The following SCO1 variants were observed in gnomAD, a reference collection of about 807,000 sequenced individuals.
SCO1 encodes the protein cytochrome c oxidase assembly factor SCO1.
In SCO1, 23 loss-of-function variants were observed where a neutral mutation model predicts 34.0. The ratio of observed to expected loss-of-function variants is 0.68; its 90% CI spans 0.49 to 0.96. The LOEUF is 0.96. Among genes scored for constraint, SCO1 ranks in the 40% least tolerant of loss-of-function variants. SCO1 has a pLI of 0.00. For missense variants in SCO1, 404 were observed against 381.6 expected (o/e 1.06, Z -0.49); for synonymous variants, 161 against 145.5 (o/e 1.11, Z -0.77).
At chr17:10,688,988 C>T (rs2074673921) in intron 4 of SCO1, among the ~76,000 whole-genome samples, 2 of 148,038 alleles carry the variant, frequency 1.4e-5, no homozygotes, top group East Asian at 2.0e-4. Context: ...TGGTAGCGGG[C>T]GCCTGTAGTC....
intron 1 of SCO1, 65 bp downstream of exon 1, chr17:10,697,170 G>T (rs987727871): frequency 2.1e-6 from 3 of 1,418,716 alleles, no homozygotes; most frequent in East Asian, 2.5e-5. Flanking sequence ...GACCAAGTGG[G>T]ATGTGGCCGC....
At chr17:10,689,384 CAA>C (rs1157671019) in intron 4 of SCO1, among the ~76,000 whole-genome samples, 1 of 152,008 alleles carries the variant, frequency 6.6e-6, no homozygotes, top group African/African-American at 2.4e-5. Flanking sequence ...TAAATAACCT[CAA>C]AGTTTAGAAG....
At chr17:10,693,903 A>C (rs1414441917) in intron 2 of SCO1, among the ~76,000 whole-genome samples, 1 of 152,272 alleles carries the variant, frequency 6.6e-6, no homozygotes, top group East Asian at 1.9e-4. Context: ...ATATATAGGA[A>C]ACAAGTCCAC....
chr17:10,684,131 A>C (rs2074639111), intron 5 of SCO1: 1 of 152,216 alleles, frequency 6.6e-6, no homozygotes, highest in Non-Finnish European at 1.5e-5. Context: ...GTAGGCCAGT[A>C]TTTCTCAAAA....
chr17:10,683,411 A>T (rs764376894), intron 5 of SCO1, among the ~76,000 whole-genome samples: 8 of 152,170 alleles, frequency 5.3e-5, no homozygotes, highest in Non-Finnish European at 1.2e-4. Flanking sequence ...AAAAAGTAGA[A>T]TCTCTTGCAT....
Position 10,674,282 on chromosome 17 carries a change from C to T in SCO1, c.*6837G>A, listed in dbSNP as rs920393689. The T allele has an allele frequency of 2.1e-4, 35 of 163,846 alleles. No homozygotes were observed. Among genetic ancestry groups the T allele is most frequent in the Admixed American group, 4.4e-4 (7 of 15,764 alleles). 10.1% of individuals were successfully genotyped at this position (163,846 alleles called of 1,614,324 possible). ...ATACAAAAATTACCATGCACGCCAC[C>T]GGGCATGGTGGCGGGCGCCTGTAAT... On this transcript the variant is annotated 3_prime_UTR_variant, in exon 6 of 6. Transcript: ENST00000255390.
At chr17:10,686,316 C>T (rs957311580) in intron 5 of SCO1, among the ~76,000 whole-genome samples, 6 of 151,860 alleles carry the variant, frequency 4.0e-5, no homozygotes, top group Non-Finnish European at 8.8e-5. Context: ...AGGCTGGATG[C>T]GGTGGCTCAC....
chr17:10,681,047 A>C lies in SCO1; in HGVS notation c.*72T>G. On this transcript the variant is annotated 3_prime_UTR_variant, in exon 6 of 6. Transcript: ENST00000255390. ...AGTGCACGTATATATGTTTATATTT[A>C]TATAGGCTCCTATGCGAGACAGTTT... 6.5e-7 allele frequency: 1 copy of C among 1,543,296 alleles called. No individual in the cohort carries two copies. The highest frequency in any genetic ancestry group is 1.4e-5 in the African/African-American group (1 of 73,622).
At position 10,697,365 on chromosome 17, in the gene SCO1, TGCC is replaced by T. The variant is rs1358343029; in HGVS notation, c.140_142del (p.Arg47del). 1 of 1,594,598 alleles carries T rather than the reference TGCC, an allele frequency of 6.3e-7. No homozygotes were observed. The highest frequency in any genetic ancestry group is 8.5e-7 in the Non-Finnish European group (1 of 1,170,590). ...CCCCGAGGCACGCCACGCCTCCGCT[TGCC>T]GCGCGCAGAACTGCCTCAGCAAGAC... On this transcript the variant is annotated inframe_deletion, in exon 1 of 6. Transcript: ENST00000255390.
rs2074591138 is a variant in SCO1 at position 10,677,733 on chromosome 17, G to C, written c.*3386C>G. The C allele has an allele frequency of 6.6e-6, 1 of 152,170 alleles. No homozygotes were observed. The highest frequency in any genetic ancestry group is 2.4e-5 in the African/African-American group (1 of 41,436). 9.4% of individuals were successfully genotyped at this position (152,170 alleles called of 1,614,324 possible). On this transcript the variant is annotated 3_prime_UTR_variant, in exon 6 of 6. Coordinates refer to ENST00000255390, the MANE Select transcript of SCO1 (RefSeq NM_004589.4). ...CTTATACTTTTCAAATAAACAAGTG[G>C]CATTTCTTAAAATATTAATTCTATT...
chr17:10,684,751 G>A (rs912125144), intron 5 of SCO1, among the ~76,000 whole-genome samples: 13 of 152,094 alleles, frequency 8.5e-5, no homozygotes, highest in Middle Eastern at 3.2e-3. Flanking sequence ...TGTCATCATC[G>A]GATAAACTCA....
In SCO1 at chr17:10,673,690, C is replaced by T. The variant is rs1037514141; in HGVS notation, c.*7429G>A. ...GATCAAATGATCCTCAATCAGGTTT[C>T]AATTGAGTATTTGAGAATGCCTACA... is the stretch of plus-strand genomic sequence containing the variant. On this transcript the variant is annotated 3_prime_UTR_variant, in exon 6 of 6. Coordinates refer to ENST00000255390, the MANE Select transcript of SCO1 (RefSeq NM_004589.4). 2 of 152,186 alleles carry T rather than the reference C, an allele frequency of 1.3e-5. No individual in the cohort carries two copies. Among genetic ancestry groups the T allele is most frequent in the African/African-American group, 4.8e-5 (2 of 41,440 alleles). The allele number at this position is 152,186 out of a possible 1,614,324, so 9.4% of individuals were successfully genotyped here.
intron 1 of SCO1, among the ~76,000 whole-genome samples, chr17:10,696,110 C>G (rs1199671656): frequency 7.4e-6 from 1 of 135,770 alleles, no homozygotes; most frequent in Non-Finnish European, 1.6e-5. Flanking sequence ...TCAAGTACCA[C>G]GATTGTTACT....
rs2074607711 is a variant in SCO1, at chr17:10,679,659, T to TA, written c.*1459dup. On this transcript the variant is annotated 3_prime_UTR_variant, in exon 6 of 6. Transcript: ENST00000255390. ...GCCAAACCCAGGATTCTAGGGCAGT[T>TA]AAATTTAGAAACAAAAGCCAAGATT... The TA allele has an allele frequency of 1.3e-5, 2 of 152,338 alleles. No homozygotes were observed. The highest frequency in any genetic ancestry group is 4.1e-4 in the South Asian group (2 of 4,830). 9.4% of individuals were successfully genotyped at this position (152,338 alleles called of 1,614,324 possible).
intron 1 of SCO1, 75 bp downstream of exon 1, chr17:10,697,160 G>T: frequency 1.5e-6 from 2 of 1,379,110 alleles, no homozygotes; most frequent in Non-Finnish European, 1.9e-6. Context: ...CTGAGGTTAC[G>T]ACCAAGTGGG....
intron 4 of SCO1, among the ~76,000 whole-genome samples, chr17:10,687,585 T>C (rs184181389): frequency 3.3e-5 from 5 of 152,330 alleles, no homozygotes; most frequent in African/African-American, 7.2e-5. Flanking sequence ...AAATGAGACA[T>C]TGTTCAGATT....
rs1192311004 is a variant in SCO1, at chr17:10,678,522, G to A, written c.*2597C>T. On this transcript the variant is annotated 3_prime_UTR_variant, in exon 6 of 6. Transcript: ENST00000255390. ...AGAACGAAGACTGAATCTTATCTAA[G>A]AGCAAACTTGCTGCAAAGGGATCCA... 6.6e-6 allele frequency: 1 copy of A among 151,966 alleles called. No individual in the cohort carries two copies. The highest frequency in any genetic ancestry group is 1.5e-5 in the Non-Finnish European group (1 of 68,006). 9.4% of individuals were successfully genotyped at this position (151,966 alleles called of 1,614,324 possible). A position where few individuals can be genotyped will look rare whatever the true frequency, so the allele number is the denominator to read the frequency against.
chr17:10,695,175 C>G (rs2074713940), intron 2 of SCO1, among the ~76,000 whole-genome samples: 1 of 152,196 alleles, frequency 6.6e-6, no homozygotes, highest in Non-Finnish European at 1.5e-5. Flanking sequence ...TCTACTCGCA[C>G]TATGCTCCTT....
At position 10,678,435 on chromosome 17, in the gene SCO1, T is replaced by C. The variant is rs2151450028; in HGVS notation, c.*2684A>G. ...ACTAGAATGAAGAACAAATAAAAGT[T>C]TTCTCCAAAAGCTGCTGTTCCCTTT... is the stretch of plus-strand genomic sequence containing the variant. On this transcript the variant is annotated 3_prime_UTR_variant, in exon 6 of 6. Coordinates refer to ENST00000255390, the MANE Select transcript of SCO1 (RefSeq NM_004589.4). The C allele has an allele frequency of 6.6e-6, 1 of 152,338 alleles. No individual in the cohort carries two copies. The highest frequency in any genetic ancestry group is 2.1e-4 in the South Asian group (1 of 4,826). 9.4% of individuals were successfully genotyped at this position (152,338 alleles called of 1,614,324 possible).
Sources: allele counts gnomAD v4.1 joint callset (sites outside exome capture counted in the v4.1 genomes callset), GRCh38; gene constraint gnomAD v4.1.1; transcripts MANE v1.5; gene names NCBI Gene and HGNC (gene_info 2026-07-23, HGNC 2026-07-21).